KRT6C: variants seen among roughly 807,000 people sequenced by gnomAD.
KRT6C encodes the protein keratin 6C.
KRT6C carries 46 observed loss-of-function variants against 49.4 expected under a neutral mutation model. The ratio of observed to expected loss-of-function variants is 0.93; its 90% CI spans 0.74 to 1.19. KRT6C has a LOEUF of 1.19. Ranked by LOEUF, KRT6C falls within the 50% of genes most tolerant of loss-of-function variation. KRT6C has a pLI of 0.00. For missense variants in KRT6C, 552 were observed against 737.5 expected (o/e 0.75, Z 2.91); for synonymous variants, 236 against 297.1 (o/e 0.79, Z 2.12).
rs755984323 is a variant in KRT6C, at chr12:52,471,114, T to G, written c.1077+18A>C. The G allele has an allele frequency of 6.2e-7, 1 of 1,614,196 alleles. No homozygotes were observed. Among genetic ancestry groups the G allele is most frequent in the South Asian group, 1.1e-5 (1 of 91,082 alleles). On this transcript the variant is annotated intron_variant, in intron 5 of 8. Transcript: ENST00000252250. ...ATGGACACAAGGATTCCTCAGCAGC[T>G]GCCCACTCCCTGCTCACCTTGGTCT...
In KRT6C at chr12:52,468,975, C is replaced by T; in HGVS notation, c.*87G>A. 6.4e-7 allele frequency: 1 copy of T among 1,560,270 alleles called. No individual in the cohort carries two copies. The highest frequency in any genetic ancestry group is 8.8e-7 in the Non-Finnish European group (1 of 1,135,740). ...CTCGGAGAGCAGGGAAGACTAGAGG[C>T]CAGGAGAGGATAGGCAACCTGAGGA... On this transcript the variant is annotated 3_prime_UTR_variant, in exon 9 of 9. Transcript: ENST00000252250.
chr12:52,471,237 GT>G lies in KRT6C; in HGVS notation c.971del (p.Asn324ThrfsTer64). ...SDTSVVLSMD[N>X]NRNLDLDSII... ...TGCTGTCCAGGTCCAGGTTGCGGTT[GT>G]TGTCCATGGATAGCACCACGGATGT... On this transcript the variant is annotated frameshift_variant, in exon 5 of 9. Transcript: ENST00000252250. LOFTEE classifies it high-confidence loss of function. 3.1e-6 allele frequency: 5 copies of G among 1,614,208 alleles called. No homozygotes were observed. Among genetic ancestry groups the G allele is most frequent in the Non-Finnish European group, 4.2e-6 (5 of 1,180,046 alleles).
rs1179754681 is a variant in KRT6C, at chr12:52,471,505, A to C, written c.828T>G (p.Ala276=). Residue 276 remains alanine (A), a synonymous_variant, in exon 4 of 9, where the codon GCT becomes GCG. Transcript: ENST00000252250. ...GCAGTTCAACCTTGTTCATGTAGGC[A>C]GCATCCACATCCTGGGGAAAGAGCC... ...EFVTLKKDVD[A]AYMNKVELQA... 1 of 1,613,486 alleles carries C rather than the reference A, an allele frequency of 6.2e-7. No homozygotes were observed. The highest frequency in any genetic ancestry group is 1.3e-5 in the African/African-American group (1 of 74,732).
chr12:52,469,014 C>A lies in KRT6C; in HGVS notation c.*48G>T, dbSNP rs1308883756. 1.2e-6 allele frequency: 2 copies of A among 1,612,800 alleles called. No homozygotes were observed. Among genetic ancestry groups the A allele is most frequent in the African/African-American group, 1.3e-5 (1 of 75,008 alleles). ...GCAACCTGAGGAGACGGCTCTGCAGCCAGAGAAGGGCCTGAGGACTGTGGG... is the reference window on the plus strand; with the variant it reads ...GCAACCTGAGGAGACGGCTCTGCAGACAGAGAAGGGCCTGAGGACTGTGGG... On this transcript the variant is annotated 3_prime_UTR_variant, in exon 9 of 9. Coordinates refer to ENST00000252250, the MANE Select transcript of KRT6C (RefSeq NM_173086.5).
chr12:52,471,619 G>A (rs1013975842), intron 3 of KRT6C, 53 bp downstream of exon 3: 72 of 1,582,842 alleles, frequency 4.5e-5, no homozygotes, highest in East Asian at 3.6e-4. Flanking sequence ...CGAGGACACA[G>A]AGCCACTTCT....
chr12:52,468,999 G>A lies in KRT6C; in HGVS notation c.*63C>T, dbSNP rs2568. On this transcript the variant is annotated 3_prime_UTR_variant, in exon 9 of 9. Transcript: ENST00000252250. ...GCCAGGAGAGGATAGGCAACCTGAG[G>A]AGACGGCTCTGCAGCCAGAGAAGGG... 548,515 of 1,607,792 alleles carry A rather than the reference G, an allele frequency of 0.34. 99,314 individuals carry two copies. The highest frequency in any genetic ancestry group is 0.55 in the East Asian group (24,678 of 44,804).
rs1410425989 is a variant in KRT6C, at chr12:52,471,180, C to A, written c.1029G>T (p.Glu343Asp). 1.9e-6 allele frequency: 3 copies of A among 1,614,056 alleles called. No individual in the cohort carries two copies. The highest frequency in any genetic ancestry group is 2.7e-5 in the African/African-American group (2 of 74,934). ...CCTCAGCCCGGCTCCTCTGAGCAATCTCCTCGTATTGGGCCTTGACCTCAG... is the reference window on the plus strand; with the variant it reads ...CCTCAGCCCGGCTCCTCTGAGCAATATCCTCGTATTGGGCCTTGACCTCAG... ...IIAEVKAQYE[E>D]IAQRSRAEAE... The change falls in exon 5 of 9, where the codon GAG becomes GAT. Residue 343 changes from glutamate (E) to aspartate (D), a missense_variant. Physicochemically the swap from Glu to Asp is conservative, Grantham distance 45. This residue lies in a region of KRT6C where 425 missense variants were observed against 439.4 expected (regional missense o/e 0.97). Transcript: ENST00000252250.
rs1937921700 is a variant in KRT6C at position 52,473,334 on chromosome 12, A to C, written c.404T>G (p.Ile135Ser). ...PGFPVCPPGG[I>S]QEVTVNQSLL... Reference sequence around the variant, plus strand: ...ACTCTGGTTGACGGTGACCTCTTGGATGCCTCCAGGGGGGCACACAGGGAA... The same window carrying C: ...ACTCTGGTTGACGGTGACCTCTTGGCTGCCTCCAGGGGGGCACACAGGGAA... Residue 135 changes from isoleucine (I) to serine (S), a missense_variant, in exon 1 of 9, where the codon ATC (isoleucine) becomes AGC (serine). Ile to Ser is a moderately radical substitution (Grantham distance 142). Coordinates refer to ENST00000252250, the MANE Select transcript of KRT6C (RefSeq NM_173086.5). 7.1e-7 allele frequency: 1 copy of C among 1,411,908 alleles called. No homozygotes were observed. The highest frequency in any genetic ancestry group is 1.4e-5 in the African/African-American group (1 of 70,024). 87.5% of individuals were successfully genotyped at this position (1,411,908 alleles called of 1,614,324 possible).
Position 52,469,727 on chromosome 12 carries a change from A to T in KRT6C, c.1367T>A (p.Leu456Gln), listed in dbSNP as rs1592176428. The change falls in exon 7 of 9, where the codon CTG becomes CAG. Residue 456 changes from leucine to glutamine, a missense_variant. This residue lies in a region of KRT6C where 425 missense variants were observed against 439.4 expected (regional missense o/e 0.97). Transcript: ENST00000252250. ...KEYQELMNVK[L>Q]ALDVEIATYR... ...GGTGGCGATCTCCACATCCAGGGCC[A>T]GCTTGACATTCATCAGCTCCTGGTA... is the stretch of plus-strand genomic sequence containing the variant. The T allele has an allele frequency of 1.9e-6, 3 of 1,614,028 alleles. No individual in the cohort carries two copies. The highest frequency in any genetic ancestry group is 2.5e-6 in the Non-Finnish European group (3 of 1,180,014).
At position 52,473,688 on chromosome 12, in the gene KRT6C, C is replaced by G. The variant is rs755276539; in HGVS notation, c.50G>C (p.Gly17Ala). 8 of 1,613,536 alleles carry G rather than the reference C, an allele frequency of 5.0e-6. No homozygotes were observed. The highest frequency in any genetic ancestry group is 1.1e-5 in the South Asian group (1 of 90,998). Residue 17 changes from glycine (G) to alanine (A), a missense_variant, in exon 1 of 9, where the codon GGT becomes GCT. Transcript: ENST00000252250. ...GAGCCTGGCTGAGTTGGCACTGAAA[C>G]CCCGGCGGCTGCTGCTGTGGCTCCT... is the stretch of plus-strand genomic sequence containing the variant. ...TIRSHSSSRR[G>A]FSANSARLPG...
In KRT6C at chr12:52,471,131, C is replaced by G; in HGVS notation, c.1077+1G>C. ...TCAGCAGCTGCCCACTCCCTGCTCACCTTGGTCTGGTACCAGGACTCAGCC... is the reference window on the plus strand; with the variant it reads ...TCAGCAGCTGCCCACTCCCTGCTCAGCTTGGTCTGGTACCAGGACTCAGCC... On this transcript the variant is annotated splice_donor_variant, in intron 5 of 8. Transcript: ENST00000252250. LOFTEE classifies it high-confidence loss of function. 2 of 1,614,184 alleles carry G rather than the reference C, an allele frequency of 1.2e-6. No individual in the cohort carries two copies. Among genetic ancestry groups the G allele is most frequent in the Non-Finnish European group, 1.7e-6 (2 of 1,180,028 alleles).
At position 52,471,731 on chromosome 12, in the gene KRT6C, A is replaced by G. The variant is rs753569487; in HGVS notation, c.757T>C (p.Tyr253His). ...GTGCGCTTGTTGATTTCATCCTCATATCTACAGGAAGAAAGGCATAGGACA... is the reference window on the plus strand; with the variant it reads ...GTGCGCTTGTTGATTTCATCCTCATGTCTACAGGAAGAAAGGCATAGGACA... ...QDLVEDLKNK[Y>H]EDEINKRTAA... The change falls in exon 3 of 9, where the codon TAT becomes CAT. Residue 253 changes from tyrosine to histidine, a missense_variant and splice_region_variant. Physicochemically the swap from Tyr to His is moderately conservative, Grantham distance 83. This residue lies in a region of KRT6C where 425 missense variants were observed against 439.4 expected (regional missense o/e 0.97). Coordinates refer to ENST00000252250, the MANE Select transcript of KRT6C (RefSeq NM_173086.5). 6.9e-5 allele frequency: 112 copies of G among 1,613,658 alleles called. No homozygotes were observed. The highest frequency in any genetic ancestry group is 9.2e-5 in the Non-Finnish European group (109 of 1,179,836).
rs1333118960 is a variant in KRT6C at position 52,469,788 on chromosome 12, T to A, written c.1306A>T (p.Lys436Ter). The change falls in exon 7 of 9, where the codon AAG (lysine) becomes TAG (stop). Residue 436 changes from lysine (K) to a stop codon, truncating the protein, a stop_gained. Transcript: ENST00000252250. LOFTEE classifies it high-confidence loss of function. Reference protein sequence around the residue: ...KLEGLEDALQKAKQDLARLLK... With the variant: ...KLEGLEDALQ ...AGCCGGGCCAGGTCCTGCTTGGCCT[T>A]CTGCAGGGCATCCTCCAGCCCTTCC... The A allele has an allele frequency of 9.3e-6, 15 of 1,613,986 alleles. No individual in the cohort carries two copies. The highest frequency in any genetic ancestry group is 1.3e-5 in the African/African-American group (1 of 74,914).
At chr12:52,470,162 T>C in intron 6 of KRT6C, 1 of 607,160 alleles carries the variant, frequency 1.6e-6, no homozygotes, top group South Asian at 2.0e-5. Context: ...ATATGGAAGA[T>C]GAATGCTCGG....
chr12:52,471,437 C>G lies in KRT6C; in HGVS notation c.896G>C (p.Arg299Thr). The G allele has an allele frequency of 6.2e-7, 1 of 1,613,958 alleles. No individual in the cohort carries two copies. Among genetic ancestry groups the G allele is most frequent in the Non-Finnish European group, 8.5e-7 (1 of 1,179,898 alleles). The stretch of plus-strand genomic sequence containing the variant: ...GATGCTTACTGCATCATACAAGGCT[C>G]TCAGGAAGTTGATCTCATCTGTGAG... ...DTLTDEINFL[R>T]ALYDAELSQM... The change falls in exon 4 of 9, where the codon AGA becomes ACA. Residue 299 changes from arginine to threonine, a missense_variant. Physicochemically the swap from Arg to Thr is moderately conservative, Grantham distance 71. Transcript: ENST00000252250.
intron 6 of KRT6C, 99 bp from the exon 7 acceptor site, chr12:52,469,989 G>C: frequency 1.5e-6 from 2 of 1,327,038 alleles, no homozygotes; most frequent in Non-Finnish European, 2.1e-6. Context: ...AAAATTGACA[G>C]AGAATGAGCT....
intron 6 of KRT6C, chr12:52,470,203 A>C (rs1937850341): frequency 1.7e-6 from 1 of 600,002 alleles, no homozygotes; most frequent in Admixed American, 2.9e-5. Flanking sequence ...CAAAACTACA[A>C]GAATGATTTT....
chr12:52,470,143 A>G (rs1356212589), intron 6 of KRT6C: 1 of 617,908 alleles, frequency 1.6e-6, no homozygotes, highest in Non-Finnish European at 2.8e-6. Flanking sequence ...ATGGACCCAA[A>G]AACAAGCCAT....
intron 2 of KRT6C, 142 bp from the exon 3 acceptor site, chr12:52,471,874 C>G: frequency 1.5e-6 from 2 of 1,351,454 alleles, no homozygotes; most frequent in Non-Finnish European, 2.1e-6. Context: ...ATGAGTTTTG[C>G]TACTACTAAA....
Sources: allele counts gnomAD v4.1 joint callset, GRCh38; gene constraint gnomAD v4.1.1; regional missense constraint gnomAD v4.1.1; transcripts MANE v1.5; gene names NCBI Gene and HGNC (gene_info 2026-07-23, HGNC 2026-07-21).